The following MYBPHL variants were observed in gnomAD, a reference collection of about 807,000 sequenced individuals.
MYBPHL encodes the protein myosin binding protein H like, also known as myosin-binding protein H-like.
In MYBPHL, 32 loss-of-function variants were observed where a neutral mutation model predicts 39.5. The observed-to-expected ratio is 0.81, with a 90% CI of 0.61 to 1.09. The LOEUF is 1.09. Among genes scored for constraint, MYBPHL ranks in the 50% least tolerant of loss-of-function variants. The probability of loss-of-function intolerance (pLI) is 0.00; values close to 1 mark genes in which losing one functional copy is unlikely to be tolerated. For synonymous variants in MYBPHL, 196 were observed against 183.7 expected, an observed-to-expected ratio of 1.07 and a Z score of -0.54; for missense variants, 456 against 460.2, an observed-to-expected ratio of 0.99 and a Z score of 0.08.
At position 109,297,050 on chromosome 1, in the gene MYBPHL, C is replaced by CTGGA. The variant is rs762609513; in HGVS notation, c.569_570insTCCA (p.Leu191ProfsTer19). On this transcript the variant is annotated frameshift_variant and splice_region_variant, in exon 4 of 9. Coordinates refer to ENST00000357155, the MANE Select transcript of MYBPHL (RefSeq NM_001010985.3). LOFTEE classifies it high-confidence loss of function. ...CTCCTTCCTTCCCAGCTGGCCTCAC[C>CTGGA]CCGGATTTTGTGTCAGCCTTCTGCA... The CTGGA allele has an allele frequency of 2.5e-6, 4 of 1,614,144 alleles. No homozygotes were observed.
At chr1:109,294,337 T>C (rs1271006078) in intron 7 of MYBPHL, 88 bp from the exon 8 acceptor site, 4 of 1,343,070 alleles carry the variant, frequency 3.0e-6, no homozygotes, top group Admixed American at 3.4e-5. Flanking sequence ...AATATTCTAT[T>C]TCAGGTTCTT....
At chr1:109,304,713 C>T (rs966357363) in intron 1 of MYBPHL, among the ~76,000 whole-genome samples, 2 of 152,210 alleles carry the variant, frequency 1.3e-5, no homozygotes, top group African/African-American at 4.8e-5. Flanking sequence ...AAGCTCTTCT[C>T]TGGCCCCTGC....
intron 2 of MYBPHL, 63 bp from the exon 3 acceptor site, chr1:109,297,680 T>C: frequency 4.2e-6 from 6 of 1,444,882 alleles, no homozygotes; most frequent in Non-Finnish European, 5.7e-6. Context: ...CCTGCTGCTG[T>C]AGGGGTCCTG....
At chr1:109,306,341 C>T (rs1229607442) in intron 1 of MYBPHL, among the ~76,000 whole-genome samples, 1 of 152,140 alleles carries the variant, frequency 6.6e-6, no homozygotes, top group Non-Finnish European at 1.5e-5. Context: ...TCAGGATCTC[C>T]TATGGGAGCA....
At chr1:109,303,077 C>T (rs751804039) in intron 1 of MYBPHL, among the ~76,000 whole-genome samples, 3 of 152,230 alleles carry the variant, frequency 2.0e-5, no homozygotes, top group Non-Finnish European at 4.4e-5. Context: ...GGAGAACTAT[C>T]TGCAGAATAG....
intron 1 of MYBPHL, among the ~76,000 whole-genome samples, chr1:109,303,907 G>A (rs981191294): frequency 6.6e-6 from 1 of 152,066 alleles, no homozygotes; most frequent in African/African-American, 2.4e-5. Flanking sequence ...CCTGCCTCAG[G>A]GTCCTTGCAG....
chr1:109,300,435 T>C (rs1365113968), intron 1 of MYBPHL, among the ~76,000 whole-genome samples: 1 of 151,832 alleles, frequency 6.6e-6, no homozygotes, highest in Non-Finnish European at 1.5e-5. Flanking sequence ...CTGCAAAGGG[T>C]TGAGGTGGGG....
intron 1 of MYBPHL, among the ~76,000 whole-genome samples, chr1:109,305,697 C>T (rs529768014): frequency 5.9e-5 from 9 of 152,328 alleles, no homozygotes; most frequent in Non-Finnish European, 8.8e-5. Context: ...TCATCTTCAA[C>T]GGGACAAACT....
chr1:109,302,558 A>C (rs1038739517), intron 1 of MYBPHL, among the ~76,000 whole-genome samples: 1 of 151,986 alleles, frequency 6.6e-6, no homozygotes, highest in Non-Finnish European at 1.5e-5. Flanking sequence ...TGTCTCTCCA[A>C]CACCCTCTCC....
At chr1:109,297,830 A>G (rs1658138104) in intron 2 of MYBPHL, among the ~76,000 whole-genome samples, 1 of 152,108 alleles carries the variant, frequency 6.6e-6, no homozygotes, top group South Asian at 2.1e-4. Context: ...GAGTCTCCCA[A>G]TCTCTGAGAG....
Position 109,297,034 on chromosome 1 carries a change from T to G in MYBPHL, c.570+16A>C. On this transcript the variant is annotated intron_variant, in intron 4 of 8. Transcript: ENST00000357155. Reference sequence around the variant, plus strand: ...CATGCCCTCTTCCACCCTCCTTCCTTCCCAGCTGGCCTCACCCCGGATTTT... The same window carrying G: ...CATGCCCTCTTCCACCCTCCTTCCTGCCCAGCTGGCCTCACCCCGGATTTT... 1 of 1,613,998 alleles carries G rather than the reference T, an allele frequency of 6.2e-7. No individual in the cohort carries two copies. The highest frequency in any genetic ancestry group is 8.5e-7 in the Non-Finnish European group (1 of 1,179,984).
chr1:109,297,744 A>C, intron 2 of MYBPHL, 127 bp from the exon 3 acceptor site: 1 of 846,590 alleles, frequency 1.2e-6, no homozygotes, highest in Admixed American at 3.0e-5. Context: ...TCCTTGAGTT[A>C]GAAGTTGGTG....
chr1:109,298,236 G>A lies in MYBPHL; in HGVS notation c.167C>T (p.Pro56Leu). 5.6e-6 allele frequency: 9 copies of A among 1,610,248 alleles called. No homozygotes were observed. Among genetic ancestry groups the A allele is most frequent in the Non-Finnish European group, 7.6e-6 (9 of 1,178,412 alleles). The change falls in exon 2 of 9, where the codon CCT (proline) becomes CTT (leucine). Residue 56 changes from proline to leucine, a missense_variant. By Grantham distance (98) the Pro-to-Leu change is moderately conservative (BLOSUM62 -3). Coordinates refer to ENST00000357155, the MANE Select transcript of MYBPHL (RefSeq NM_001010985.3). ...GATGTAGGTCTGCCTCAGGGCCCGA[G>A]GTAGCCAGATCTTGGGGTGCTCTGA... is the stretch of plus-strand genomic sequence containing the variant. ...PIEEHPKIWLPRALRQTYIRK... is the reference protein window; with the variant it reads ...PIEEHPKIWLLRALRQTYIRK...
intron 1 of MYBPHL, among the ~76,000 whole-genome samples, chr1:109,303,850 C>T (rs1570858589): frequency 6.6e-6 from 1 of 152,214 alleles, no homozygotes; most frequent in South Asian, 2.1e-4. Context: ...GCCACTGTCT[C>T]CCTCCCTGTG....
At chr1:109,295,709 A>G (rs900937107) in intron 6 of MYBPHL, among the ~76,000 whole-genome samples, 5 of 152,270 alleles carry the variant, frequency 3.3e-5, no homozygotes, top group Non-Finnish European at 7.3e-5. Flanking sequence ...GGCTCTTGAT[A>G]TGCCCCTTCT....
At chr1:109,296,754 C>G (rs748331116) in intron 5 of MYBPHL, 29 bp downstream of exon 5, 2 of 1,613,620 alleles carry the variant, frequency 1.2e-6, no homozygotes, top group Non-Finnish European at 1.7e-6. Flanking sequence ...TTAAGTCTTC[C>G]CAGCTCATGA....
intron 6 of MYBPHL, 95 bp downstream of exon 6, chr1:109,296,139 G>C: frequency 2.1e-6 from 3 of 1,448,314 alleles, no homozygotes; most frequent in Non-Finnish European, 2.8e-6. Flanking sequence ...GATGGTAACA[G>C]ATGTTATGTT....
chr1:109,303,512 T>C (rs1427938475), intron 1 of MYBPHL, among the ~76,000 whole-genome samples: 1 of 152,190 alleles, frequency 6.6e-6, no homozygotes, highest in Non-Finnish European at 1.5e-5. Flanking sequence ...GGGCCATTAA[T>C]AGTGACCACC....
At position 109,295,203 on chromosome 1, in the gene MYBPHL, C is replaced by T. The variant is rs745479245; in HGVS notation, c.962G>A (p.Arg321His). The T allele has an allele frequency of 6.8e-6, 11 of 1,613,980 alleles. No individual in the cohort carries two copies. The highest frequency in any genetic ancestry group is 3.3e-5 in the Admixed American group (2 of 60,004). The stretch of plus-strand genomic sequence containing the variant: ...GCCTCCATCAAAGGGACCCGGCTTG[C>T]GGATCTCTAGGGAGCAGATTCCCAG... Reference protein sequence around the residue: ...THLGICSLEIRKPGPFDGGIY... With the variant: ...THLGICSLEIHKPGPFDGGIY... Residue 321 changes from arginine to histidine, a missense_variant, in exon 7 of 9, where the codon CGC (arginine) becomes CAC (histidine). Arg to His is a conservative substitution (Grantham distance 29). Transcript: ENST00000357155.
Sources: allele counts gnomAD v4.1 joint callset (sites outside exome capture counted in the v4.1 genomes callset), GRCh38; gene constraint gnomAD v4.1.1; transcripts MANE v1.5; gene names NCBI Gene and HGNC (gene_info 2026-07-23, HGNC 2026-07-21).